The following LGR6 variants were observed in gnomAD, a reference collection of about 807,000 sequenced individuals.
The protein encoded by LGR6 is leucine rich repeat containing G protein-coupled receptor 6.
A neutral mutation model predicts 69.4 loss-of-function variants in LGR6; 45 were observed. That is an observed-to-expected ratio of 0.65 (90% CI 0.51 to 0.83). The LOEUF is 0.83. LGR6 is among the 40% of genes least tolerant of loss of function. LGR6 has a pLI of 0.00. For missense variants in LGR6, 1,108 were observed against 1,246.7 expected (o/e 0.89, Z 1.68); for synonymous variants, 538 against 555.0 (o/e 0.97, Z 0.43).
chr1:202,294,161 A>G (rs1666985233), intron 6 of LGR6, among the ~76,000 whole-genome samples: 2 of 152,228 alleles, frequency 1.3e-5, no homozygotes, highest in African/African-American at 2.4e-5. Context: ...AGATGTCTTC[A>G]TTGCTTCATC....
At chr1:202,307,158 G>C (rs2148285996) in intron 13 of LGR6, among the ~76,000 whole-genome samples, 172 bp from the exon 14 acceptor site, 1 of 152,264 alleles carries the variant, frequency 6.6e-6, no homozygotes, top group East Asian at 1.9e-4. Flanking sequence ...CCCTGTTCCT[G>C]GGGCCACAGC....
chr1:202,299,817 C>G (rs902987479), intron 7 of LGR6, among the ~76,000 whole-genome samples: 1 of 152,056 alleles, frequency 6.6e-6, no homozygotes. Flanking sequence ...CAGAAACTTC[C>G]AAAGAAAAAG....
intron 17 of LGR6, 44 bp from the exon 18 acceptor site, chr1:202,317,908 C>G (rs760696296): frequency 6.5e-7 from 1 of 1,534,178 alleles, no homozygotes; most frequent in East Asian, 2.3e-5. Context: ...AGACCTGGTC[C>G]CACCATCCTC....
At chr1:202,247,929 C>T (rs1014033988) in intron 4 of LGR6, among the ~76,000 whole-genome samples, 1 of 152,184 alleles carries the variant, frequency 6.6e-6, no homozygotes, top group Non-Finnish European at 1.5e-5. Context: ...TTTGCCTGCC[C>T]CCTCCTCCTC....
chr1:202,218,613 C>T (rs1462344621), intron 1 of LGR6, among the ~76,000 whole-genome samples: 1 of 152,138 alleles, frequency 6.6e-6, no homozygotes, highest in Non-Finnish European at 1.5e-5. Context: ...GACAGTCCCG[C>T]CCAGTAAAGA....
chr1:202,282,103 G>A (rs954359963), intron 6 of LGR6, among the ~76,000 whole-genome samples: 2 of 152,158 alleles, frequency 1.3e-5, no homozygotes, highest in African/African-American at 4.8e-5. Flanking sequence ...CAGCTTTGCC[G>A]GCATGCTCAC....
At chr1:202,220,361 G>T (rs1211488818) in intron 1 of LGR6, among the ~76,000 whole-genome samples, 1 of 151,914 alleles carries the variant, frequency 6.6e-6, no homozygotes, top group African/African-American at 2.4e-5. Flanking sequence ...TGGGATTACA[G>T]GCACCTGTCA....
intron 4 of LGR6, among the ~76,000 whole-genome samples, chr1:202,274,699 A>G (rs1048379307): frequency 6.6e-6 from 1 of 152,180 alleles, no homozygotes; most frequent in African/African-American, 2.4e-5. Context: ...CTGATGGTCC[A>G]TGGGAGTCCA....
Position 202,309,100 on chromosome 1 carries a change from G to A in LGR6, c.1330G>A (p.Gly444Ser). 6.2e-7 allele frequency: 1 copy of A among 1,614,144 alleles called. No individual in the cohort carries two copies. The change falls in exon 15 of 18, where the codon GGC becomes AGC. Residue 444 changes from glycine (G) to serine (S), a missense_variant. Coordinates refer to ENST00000367278, the MANE Select transcript of LGR6 (RefSeq NM_001017403.2). ...CACACTGCCCCTGGCTGGACTTGGGGGCTTGATGCATCTGAAGCTCAAAGG... is the reference window on the plus strand; with the variant it reads ...CACACTGCCCCTGGCTGGACTTGGGAGCTTGATGCATCTGAAGCTCAAAGG... Reference protein sequence around the residue: ...LTTLPLAGLGGLMHLKLKGNL... With the variant: ...LTTLPLAGLGSLMHLKLKGNL...
chr1:202,287,013 T>A (rs1392316603), intron 6 of LGR6, among the ~76,000 whole-genome samples: 1 of 152,080 alleles, frequency 6.6e-6, no homozygotes, highest in African/African-American at 2.4e-5. Flanking sequence ...CCCAGCCAGC[T>A]GGTCTGGAAT....
At chr1:202,280,693 C>A in intron 5 of LGR6, 88 bp from the exon 6 acceptor site, 1 of 1,167,316 alleles carries the variant, frequency 8.6e-7, no homozygotes, top group Non-Finnish European at 1.3e-6. Flanking sequence ...CTTCTGCCTA[C>A]ACTTTCCCCA....
At chr1:202,223,934 C>T (rs1288936063) in intron 1 of LGR6, among the ~76,000 whole-genome samples, 7 of 150,848 alleles carry the variant, frequency 4.6e-5, no homozygotes, top group Admixed American at 1.3e-4. Flanking sequence ...AGGAGAAAAG[C>T]AAATATGTAC....
At chr1:202,271,341 G>A (rs1367978609) in intron 4 of LGR6, among the ~76,000 whole-genome samples, 1 of 152,268 alleles carries the variant, frequency 6.6e-6, no homozygotes, top group Admixed American at 6.5e-5. Context: ...AGATCCCAGG[G>A]GAGCCTGAAC....
In LGR6 at chr1:202,309,049, A is replaced by G; in HGVS notation, c.1281-2A>G. 6.2e-7 allele frequency: 1 copy of G among 1,613,922 alleles called. No individual in the cohort carries two copies. The highest frequency in any genetic ancestry group is 8.5e-7 in the Non-Finnish European group (1 of 1,179,914). ...AATAACCCTGACCATCCACTGTCCTAGGGACCTGACAGACAACCAGCTGAC... is the reference window on the plus strand; with the variant it reads ...AATAACCCTGACCATCCACTGTCCTGGGGACCTGACAGACAACCAGCTGAC... On this transcript the variant is annotated splice_acceptor_variant, in intron 14 of 17. Coordinates refer to ENST00000367278, the MANE Select transcript of LGR6 (RefSeq NM_001017403.2). LOFTEE classifies it high-confidence loss of function.
intron 1 of LGR6, among the ~76,000 whole-genome samples, chr1:202,212,454 G>T (rs991769654): frequency 1.3e-5 from 2 of 152,206 alleles, no homozygotes; most frequent in Admixed American, 6.5e-5. Context: ...AACAACAGAA[G>T]TTTATTCTTT....
intron 3 of LGR6, among the ~76,000 whole-genome samples, chr1:202,235,150 T>G (rs1489370700): frequency 6.6e-6 from 1 of 152,196 alleles, no homozygotes; most frequent in Non-Finnish European, 1.5e-5. Context: ...CAGTGCCACC[T>G]GGAGTGGCGC....
rs1041512509 is a variant in LGR6, at chr1:202,268,429, A to G, written c.429-7877A>G. On this transcript the variant is annotated intron_variant, in intron 4 of 17. Transcript: ENST00000367278. The surrounding 1 kb of genome is among the most constrained non-coding windows in gnomAD (Gnocchi z 4.4). ...GGCTCCCACGTGGAATATTTTCCCC[A>G]CAGAATAACCATTTCCATAGTGGCT... is the stretch of plus-strand genomic sequence containing the variant. Among the ~76,000 whole-genome samples the G allele has an allele frequency of 6.7e-6, 1 of 150,258 alleles. No individual in the cohort carries two copies. The highest frequency in any genetic ancestry group is 1.5e-5 in the Non-Finnish European group (1 of 67,766).
At chr1:202,238,373 C>T (rs1403117246) in intron 4 of LGR6, among the ~76,000 whole-genome samples, 2 of 135,926 alleles carry the variant, frequency 1.5e-5, no homozygotes, top group African/African-American at 2.8e-5. Flanking sequence ...TCCCACAGTT[C>T]TGGGATTACA....
intron 6 of LGR6, among the ~76,000 whole-genome samples, chr1:202,284,984 TAGTG>T (rs895403848): frequency 7.2e-5 from 11 of 152,314 alleles, no homozygotes; most frequent in Admixed American, 7.2e-4. Flanking sequence ...CCTGGGGCCA[TAGTG>T]AGAACAGAAA....
Sources: allele counts gnomAD v4.1 joint callset (sites outside exome capture counted in the v4.1 genomes callset), GRCh38; gene constraint gnomAD v4.1.1; non-coding constraint Gnocchi (gnomAD v3.1); transcripts MANE v1.5; gene names NCBI Gene and HGNC (gene_info 2026-07-23, HGNC 2026-07-21).